TASOR: variants seen among roughly 807,000 people sequenced by gnomAD.
TASOR encodes the protein protein TASOR.
In TASOR, 53 loss-of-function variants were observed where a neutral mutation model predicts 178.6. That is an observed-to-expected ratio of 0.30 (90% CI 0.24 to 0.37). The LOEUF (loss-of-function observed/expected upper bound fraction) is 0.37. TASOR is among the 10% of genes least tolerant of loss of function. The pLI is 1.00. For missense variants in TASOR, 1,815 were observed against 1,971.4 expected (o/e 0.92, Z 1.50); for synonymous variants, 713 against 696.2 (o/e 1.02, Z -0.38).
chr3:56,633,468 C>G lies in TASOR; in HGVS notation c.3323G>C (p.Gly1108Ala). The change falls in exon 18 of 24, where the codon GGT becomes GCT. Residue 1108 changes from glycine (G) to alanine (A), a missense_variant. By Grantham distance (60) the Gly-to-Ala change is moderately conservative. This residue lies in a region of TASOR where 655 missense variants were observed against 671.1 expected (regional missense o/e 0.98). Coordinates refer to ENST00000683822, the MANE Select transcript of TASOR (RefSeq NM_001365635.2). Reference sequence around the variant, plus strand: ...CAGAGGATTCGATGCTATCTTAGCACCAGAATCGTTAGGACTGACTGGTGG... The same window carrying G: ...CAGAGGATTCGATGCTATCTTAGCAGCAGAATCGTTAGGACTGACTGGTGG... ...NLPPVSPNDS[G>A]AKIASNPLER... The G allele has an allele frequency of 6.2e-7, 1 of 1,614,112 alleles. No individual in the cohort carries two copies. The highest frequency in any genetic ancestry group is 8.5e-7 in the Non-Finnish European group (1 of 1,180,002).
At chr3:56,661,208 GC>G (rs1450491766) in intron 9 of TASOR, among the ~76,000 whole-genome samples, 191 bp from the exon 10 acceptor site, 1 of 152,148 alleles carries the variant, frequency 6.6e-6, no homozygotes, top group Non-Finnish European at 1.5e-5. Context: ...GTGCAGTGGT[GC>G]GATCACAGCT....
intron 6 of TASOR, among the ~76,000 whole-genome samples, chr3:56,667,878 T>C (rs1185961711): frequency 2.0e-5 from 3 of 152,352 alleles, no homozygotes; most frequent in African/African-American, 2.4e-5. Context: ...ATAGGTGTAG[T>C]ATATGTCAAT....
chr3:56,648,830 A>T lies in TASOR; in HGVS notation c.1505T>A (p.Ile502Lys). 6.2e-7 allele frequency: 1 copy of T among 1,608,042 alleles called. No homozygotes were observed. The highest frequency in any genetic ancestry group is 8.5e-7 in the Non-Finnish European group (1 of 1,176,762). The change falls in exon 13 of 24, where the codon ATA becomes AAA. Residue 502 changes from isoleucine (I) to lysine (K), a missense_variant. Ile to Lys is a moderately radical substitution (Grantham distance 102). Around this residue, in one of 5 missense-constraint regions of TASOR, gnomAD observed 504 missense variants for 645.3 expected, o/e 0.78. Transcript: ENST00000683822. Reference sequence around the variant, plus strand: ...ATATTCAAAGAACTTACAAGTAACTATGCTTCTAGGTTCTTGAAATAGAAA... The same window carrying T: ...ATATTCAAAGAACTTACAAGTAACTTTGCTTCTAGGTTCTTGAAATAGAAA... ...ALFLFQEPRS[I>K]VTSQKGSTNA...
Position 56,646,620 on chromosome 3 carries a change from C to T in TASOR, c.2117G>A (p.Ser706Asn). 1 of 1,613,350 alleles carries T rather than the reference C, an allele frequency of 6.2e-7. No homozygotes were observed. The highest frequency in any genetic ancestry group is 8.5e-7 in the Non-Finnish European group (1 of 1,179,988). The change falls in exon 14 of 24, where the codon AGC becomes AAC. Residue 706 changes from serine (S) to asparagine (N), a missense_variant. Transcript: ENST00000683822. ...GGDSDTEDMR[S>N]KTVLKRKLED... Reference sequence around the variant, plus strand: ...AAGCTTCCTCTTCAAGACAGTTTTGCTTCTCATATCTTCTGTGTCTGAGTC... The same window carrying T: ...AAGCTTCCTCTTCAAGACAGTTTTGTTTCTCATATCTTCTGTGTCTGAGTC...
At chr3:56,635,650 A>T (rs911187835) in intron 17 of TASOR, among the ~76,000 whole-genome samples, 7 of 152,162 alleles carry the variant, frequency 4.6e-5, no homozygotes, top group Admixed American at 1.3e-4. Context: ...AAAAATTCTG[A>T]ATTATTTATT....
At chr3:56,677,007 T>C (rs2031358798) in intron 1 of TASOR, among the ~76,000 whole-genome samples, 1 of 152,248 alleles carries the variant, frequency 6.6e-6, no homozygotes, top group Non-Finnish European at 1.5e-5. Flanking sequence ...TTTTTTCTGG[T>C]GATAATTTCT....
Position 56,682,828 on chromosome 3 carries a change from T to C in TASOR, c.179A>G (p.Asn60Ser), listed in dbSNP as rs1239493547. ...EPSGGAGREE[N>S]AGAEAAQSLS... Reference sequence around the variant, plus strand: ...GCTCTGGGCGGCCTCGGCCCCCGCGTTCTCCTCACGCCCAGCGCCGCCGCT... The same window carrying C: ...GCTCTGGGCGGCCTCGGCCCCCGCGCTCTCCTCACGCCCAGCGCCGCCGCT... Residue 60 changes from asparagine (N) to serine (S), a missense_variant, in exon 1 of 24, where the codon AAC (asparagine) becomes AGC (serine). Coordinates refer to ENST00000683822, the MANE Select transcript of TASOR (RefSeq NM_001365635.2). 12 of 1,550,250 alleles carry C rather than the reference T, an allele frequency of 7.7e-6. No homozygotes were observed. The highest frequency in any genetic ancestry group is 1.0e-5 in the Non-Finnish European group (12 of 1,146,420).
intron 17 of TASOR, 89 bp from the exon 18 acceptor site, chr3:56,634,055 A>T: frequency 9.6e-7 from 1 of 1,037,490 alleles, no homozygotes; most frequent in Non-Finnish European, 1.4e-6. Context: ...AAAAAGGGTT[A>T]ACACACATTT....
In TASOR at chr3:56,620,708, T is replaced by TA. The variant is rs2076357114; in HGVS notation, c.*2328dup. The TA allele has an allele frequency of 6.6e-6, 1 of 152,262 alleles. No homozygotes were observed. Among genetic ancestry groups the TA allele is most frequent in the Middle Eastern group, 3.2e-3 (1 of 316 alleles). The allele number at this position is 152,262 out of a possible 1,614,324, so 9.4% of individuals were successfully genotyped here. ...TTATTTCTTTAGAGTGACGAAGTGT[T>TA]AGTTTACTTCTTGCTTAGTGGAGAC... On this transcript the variant is annotated 3_prime_UTR_variant, in exon 24 of 24. Coordinates refer to ENST00000683822, the MANE Select transcript of TASOR (RefSeq NM_001365635.2).
chr3:56,647,538 G>A (rs1243167320), intron 13 of TASOR, among the ~76,000 whole-genome samples: 5 of 152,136 alleles, frequency 3.3e-5, no homozygotes, highest in African/African-American at 1.2e-4. Flanking sequence ...ATAGTGGCAA[G>A]CAATATGTAA....
chr3:56,633,839 T>G lies in TASOR; in HGVS notation c.2952A>C (p.Thr984=). 6.2e-7 allele frequency: 1 copy of G among 1,614,034 alleles called. No individual in the cohort carries two copies. The highest frequency in any genetic ancestry group is 8.5e-7 in the Non-Finnish European group (1 of 1,179,958). ...CGTCATCCTCAGTGGTGCCCTTTAGTGTGTCTGTAAATGGAGAGGATGGAA... is the reference window on the plus strand; with the variant it reads ...CGTCATCCTCAGTGGTGCCCTTTAGGGTGTCTGTAAATGGAGAGGATGGAA... ...YQFPSSPFTD[T]LKGTTEDDVL... is the part of the protein sequence containing the mutation. Residue 984 remains threonine, a synonymous_variant, in exon 18 of 24, where the codon ACA becomes ACC. Transcript: ENST00000683822.
chr3:56,639,939 C>G, intron 16 of TASOR, 47 bp downstream of exon 16: 4 of 1,544,810 alleles, frequency 2.6e-6, no homozygotes, highest in Non-Finnish European at 3.5e-6. Flanking sequence ...GGAAACTGGT[C>G]TCTAAGTAAA....
chr3:56,675,591 C>T (rs2031215419), intron 1 of TASOR, among the ~76,000 whole-genome samples: 1 of 152,140 alleles, frequency 6.6e-6, no homozygotes, highest in Admixed American at 6.5e-5. Context: ...TACTAATACA[C>T]CTAAAAGTCT....
intron 3 of TASOR, 150 bp from the exon 4 acceptor site, chr3:56,670,295 T>C (rs762315388): frequency 1.2e-5 from 6 of 492,324 alleles, no homozygotes; most frequent in Non-Finnish European, 1.8e-5. Flanking sequence ...TGCCACTTTA[T>C]AAATATTAAT....
chr3:56,647,653 T>C (rs887938360), intron 13 of TASOR, among the ~76,000 whole-genome samples: 9 of 152,182 alleles, frequency 5.9e-5, no homozygotes, highest in African/African-American at 1.9e-4. Flanking sequence ...AACAGATATG[T>C]AGATGCTGAG....
At position 56,673,562 on chromosome 3, in the gene TASOR, G is replaced by C; in HGVS notation, c.477+18C>G. ...GGTTCTGAAAACAATCTTACAGTAAGTATAATTTAAAACATACCTCCTTTT... is the reference window on the plus strand; with the variant it reads ...GGTTCTGAAAACAATCTTACAGTAACTATAATTTAAAACATACCTCCTTTT... On this transcript the variant is annotated intron_variant, in intron 2 of 23. Transcript: ENST00000683822. 6.6e-7 allele frequency: 1 copy of C among 1,519,932 alleles called. No homozygotes were observed. Among genetic ancestry groups the C allele is most frequent in the Non-Finnish European group, 8.8e-7 (1 of 1,133,332 alleles). The allele number at this position is 1,519,932 out of a possible 1,614,324, so 94.2% of individuals were successfully genotyped here.
At chr3:56,625,464 A>G (rs1324052227) in intron 21 of TASOR, among the ~76,000 whole-genome samples, 3 of 152,256 alleles carry the variant, frequency 2.0e-5, no homozygotes, top group African/African-American at 7.2e-5. Context: ...CCTGGCCAAC[A>G]TGGTGAAACC....
At chr3:56,624,759 C>T (rs543892618) in intron 22 of TASOR, 69 bp downstream of exon 22, 46 of 1,564,404 alleles carry the variant, frequency 2.9e-5, no homozygotes, top group African/African-American at 4.1e-5. Flanking sequence ...ATACCCACCA[C>T]AGCCCCATAA....
At chr3:56,624,286 G>A (rs2291500) in intron 23 of TASOR, among the ~76,000 whole-genome samples, 193 bp downstream of exon 23, 25,928 of 152,016 alleles carry the variant, frequency 0.17, 2,795 homozygotes, top group South Asian at 0.35. Flanking sequence ...ACTTACACTG[G>A]CTACAGTATA....
Sources: allele counts gnomAD v4.1 joint callset (sites outside exome capture counted in the v4.1 genomes callset), GRCh38; gene constraint gnomAD v4.1.1; regional missense constraint gnomAD v4.1.1; transcripts MANE v1.5; gene names NCBI Gene and HGNC (gene_info 2026-07-23, HGNC 2026-07-21).